The following CSMD1 variants were observed in gnomAD, a reference collection of about 807,000 sequenced individuals.
CSMD1 encodes the protein CUB and Sushi multiple domains 1, also known as CUB and sushi domain-containing protein 1.
CSMD1 carries 213 observed loss-of-function variants against 417.5 expected under a neutral mutation model. The observed-to-expected ratio is 0.51, with a 90% CI of 0.46 to 0.57. The LOEUF is 0.57. CSMD1 is among the 20% of genes least tolerant of loss of function. The probability of loss-of-function intolerance (pLI) is 0.00; values close to 1 mark genes in which losing one functional copy is unlikely to be tolerated. For missense variants in CSMD1, 6,923 were observed against 4,529.7 expected (o/e 1.53, Z -15.17); for synonymous variants, 2,862 against 1,736.8 (o/e 1.65, Z -16.11).
intron 2 of CSMD1, among the ~76,000 whole-genome samples, chr8:4,554,329 G>A (rs576790829): frequency 6.6e-6 from 1 of 152,138 alleles, no homozygotes; most frequent in East Asian, 1.9e-4. Context: ...TAGAGACAGG[G>A]TTTCACCATG....
At chr8:3,041,371 T>C (rs1811078418) in intron 50 of CSMD1, among the ~76,000 whole-genome samples, 1 of 152,160 alleles carries the variant, frequency 6.6e-6, no homozygotes, top group East Asian at 1.9e-4. Context: ...TGTTCTCTGA[T>C]CCCAAACATA....
chr8:3,764,937 G>A (rs1238240777), intron 5 of CSMD1, among the ~76,000 whole-genome samples: 2 of 151,660 alleles, frequency 1.3e-5, no homozygotes, highest in East Asian at 1.9e-4. Context: ...GTAGAGACAG[G>A]GTTTCACATG....
intron 3 of CSMD1, among the ~76,000 whole-genome samples, chr8:4,195,220 C>CG (rs1174873621): frequency 6.6e-6 from 1 of 152,110 alleles, no homozygotes; most frequent in East Asian, 1.9e-4. Flanking sequence ...TGCATACATT[C>CG]GATTTCAGGC....
chr8:4,084,779 C>T (rs891195162), intron 3 of CSMD1, among the ~76,000 whole-genome samples: 2 of 146,808 alleles, frequency 1.4e-5, no homozygotes, highest in Admixed American at 1.4e-4. Flanking sequence ...TTTTATGTAG[C>T]ATTTCCATTC....
chr8:4,116,213 T>C (rs867559121), intron 3 of CSMD1, among the ~76,000 whole-genome samples: 5 of 151,982 alleles, frequency 3.3e-5, no homozygotes, highest in South Asian at 2.1e-4. Flanking sequence ...AGGCTGGTCC[T>C]GAACTCCTGA....
intron 5 of CSMD1, among the ~76,000 whole-genome samples, chr8:3,897,072 G>A (rs1807420258): frequency 6.6e-6 from 1 of 152,052 alleles, no homozygotes; most frequent in Admixed American, 6.6e-5. Context: ...TGTACTGGAA[G>A]TTTCCGAATG....
At chr8:3,690,458 G>A (rs555808556) in intron 7 of CSMD1, among the ~76,000 whole-genome samples, 80 of 152,354 alleles carry the variant, frequency 5.3e-4, no homozygotes, top group Non-Finnish European at 8.1e-4. Flanking sequence ...TCACAGTAGT[G>A]TTCAAGGCTT....
chr8:4,925,551 T>A (rs1806800734), intron 1 of CSMD1, among the ~76,000 whole-genome samples: 1 of 151,686 alleles, frequency 6.6e-6, no homozygotes, highest in Non-Finnish European at 1.5e-5. Context: ...TTTTTTTCTT[T>A]TTTCTTTTTT....
intron 1 of CSMD1, among the ~76,000 whole-genome samples, chr8:4,970,461 C>A (rs1205485420): frequency 6.6e-6 from 1 of 152,026 alleles, no homozygotes; most frequent in Non-Finnish European, 1.5e-5. Context: ...AAAATGACAT[C>A]GGTCATTTAT....
intron 4 of CSMD1, among the ~76,000 whole-genome samples, chr8:4,007,051 G>T (rs1173190617): frequency 6.6e-6 from 1 of 151,904 alleles, no homozygotes; most frequent in South Asian, 2.1e-4. Context: ...TGTTAGCCAG[G>T]ATGGTCTCGA....
chr8:4,585,650 A>G (rs1799662428), intron 2 of CSMD1, among the ~76,000 whole-genome samples: 1 of 152,202 alleles, frequency 6.6e-6, no homozygotes, highest in Non-Finnish European at 1.5e-5. Context: ...AAGCAACAAT[A>G]AAAGTTACAG....
intron 3 of CSMD1, among the ~76,000 whole-genome samples, chr8:4,092,091 G>A (rs755772578): frequency 2.6e-5 from 4 of 152,194 alleles, no homozygotes; most frequent in East Asian, 1.9e-4. Context: ...TAAGAGGGAC[G>A]TAATTCTGAT....
intron 1 of CSMD1, among the ~76,000 whole-genome samples, chr8:4,911,154 T>C (rs1477297626): frequency 1.3e-5 from 2 of 152,232 alleles, no homozygotes; most frequent in African/African-American, 2.4e-5. Flanking sequence ...CTTGGGTATG[T>C]CTTTATCAGC....
chr8:3,326,719 T>C (rs1806555306), intron 23 of CSMD1, among the ~76,000 whole-genome samples: 1 of 152,226 alleles, frequency 6.6e-6, no homozygotes, highest in Non-Finnish European at 1.5e-5. Context: ...CCTGTCTCCC[T>C]ATTGTATTGG....
At position 3,299,540 on chromosome 8, in the gene CSMD1, A is replaced by G. The variant is rs1387988847; in HGVS notation, c.3950+8155T>C. 1.3e-4 allele frequency among the ~76,000 whole-genome samples: 19 copies of G among 148,128 alleles called. No homozygotes were observed. The Admixed American group carries it at 1.3e-3, about 10-fold the overall frequency. On this transcript the variant is annotated intron_variant, in intron 25 of 69. Coordinates refer to ENST00000635120, the MANE Select transcript of CSMD1 (RefSeq NM_033225.6). ...CGTGAGGAAAAGCACACATCCTCCAACGCACAGTGTCCCAAGGTCTGGCAG... is the reference window on the plus strand; with the variant it reads ...CGTGAGGAAAAGCACACATCCTCCAGCGCACAGTGTCCCAAGGTCTGGCAG...
chr8:3,359,004 C>G, intron 21 of CSMD1, 148 bp downstream of exon 21: 1 of 669,700 alleles, frequency 1.5e-6, no homozygotes. Flanking sequence ...CAGCTCCCCT[C>G]TCCCCTGGTT....
intron 5 of CSMD1, among the ~76,000 whole-genome samples, chr8:3,967,502 C>T (rs767563888): frequency 6.3e-4 from 95 of 151,526 alleles, no homozygotes; most frequent in South Asian, 1.3e-3. Flanking sequence ...ACATGTGTTG[C>T]GGACTTGGAT....
intron 3 of CSMD1, among the ~76,000 whole-genome samples, chr8:4,244,258 G>C (rs1264598874): frequency 6.6e-6 from 1 of 152,102 alleles, no homozygotes; most frequent in Non-Finnish European, 1.5e-5. Flanking sequence ...CAGAGCACAG[G>C]GGCACTGAGA....
chr8:3,889,200 T>C (rs1806775841), intron 5 of CSMD1, among the ~76,000 whole-genome samples: 1 of 151,606 alleles, frequency 6.6e-6, no homozygotes, highest in Admixed American at 6.6e-5. Context: ...CAAGACTAAC[T>C]TAGCAGCAGC....
Sources: allele counts gnomAD v4.1 joint callset (sites outside exome capture counted in the v4.1 genomes callset), GRCh38; gene constraint gnomAD v4.1.1; transcripts MANE v1.5; gene names NCBI Gene and HGNC (gene_info 2026-07-23, HGNC 2026-07-21).